KDM6A: variants seen among roughly 807,000 people sequenced by gnomAD.
KDM6A encodes lysine demethylase 6A.
A neutral mutation model predicts 117.6 loss-of-function variants in KDM6A; 11 were observed. The ratio of observed to expected loss-of-function variants is 0.09; its 90% CI spans 0.06 to 0.15. The LOEUF (loss-of-function observed/expected upper bound fraction) is 0.15. Among genes scored for constraint, KDM6A ranks in the 10% least tolerant of loss-of-function variants. The pLI, the probability that KDM6A is intolerant of heterozygous loss-of-function variation, is 1.00. For synonymous variants in KDM6A, 384 were observed against 396.1 expected (o/e 0.97, Z 0.36); for missense variants, 799 against 1,077.3 (o/e 0.74, Z 3.62).
At chrX:45,039,372 G>T (rs2042951105) in intron 8 of KDM6A, among the ~76,000 whole-genome samples, 1 of 110,819 alleles carries the variant, frequency 9.0e-6, no homozygotes, top group Non-Finnish European at 1.9e-5. Context: ...TTATCTGACT[G>T]CTTTGAAATT....
At chrX:44,930,686 C>G (rs920402343) in intron 2 of KDM6A, among the ~76,000 whole-genome samples, 4 of 111,974 alleles carry the variant, frequency 3.6e-5, no homozygotes, top group African/African-American at 1.3e-4. Flanking sequence ...TTAATTAAAG[C>G]TATTTTTAAA....
At chrX:45,047,350 C>T (rs2043584313) in intron 8 of KDM6A, among the ~76,000 whole-genome samples, 1 of 103,501 alleles carries the variant, frequency 9.7e-6, no homozygotes, top group Non-Finnish European at 1.9e-5. Context: ...TATGCTATTG[C>T]CTCAAACATC....
Position 45,107,402 on chromosome X carries a change from C to G in KDM6A, c.4035-8C>G, listed in dbSNP as rs752619445. On this transcript the variant is annotated splice_polypyrimidine_tract_variant and splice_region_variant and intron_variant, in intron 27 of 29. Transcript: ENST00000611820. ...TGCTGGTCACAAATAATTTCTCCCC[C>G]ACAATAGGTATTGTCTTCTAAGAAC... 8.3e-7 allele frequency: 1 copy of G among 1,205,633 alleles called. No homozygotes were observed. The highest frequency in any genetic ancestry group is 1.8e-5 in the South Asian group (1 of 56,844).
At chrX:44,951,309 G>A (rs1602317072) in intron 2 of KDM6A, among the ~76,000 whole-genome samples, 1 of 111,772 alleles carries the variant, frequency 8.9e-6, no homozygotes, top group South Asian at 3.7e-4. Context: ...AGCAACACAA[G>A]GTAAACTAAG....
rs1373997610 is a variant in KDM6A at position 45,111,725 on chromosome X, G to A, written c.*314G>A. ...CTCTTTTATATTTCTCTATTTCTGG[G>A]CTGATGAATTTGTTTTCATCTGTCT... On this transcript the variant is annotated 3_prime_UTR_variant, in exon 30 of 30. Transcript: ENST00000611820. 4.4e-6 allele frequency: 1 copy of A among 229,003 alleles called. No homozygotes were observed. The highest frequency in any genetic ancestry group is 7.8e-6 in the Non-Finnish European group (1 of 127,826). 18.9% of individuals were successfully genotyped at this position (229,003 alleles called of 1,213,427 possible).
intron 2 of KDM6A, among the ~76,000 whole-genome samples, chrX:44,944,510 C>T (rs774442923): frequency 1.8e-5 from 2 of 111,842 alleles, no homozygotes; most frequent in African/African-American, 3.2e-5. Flanking sequence ...ACTTGGGAGA[C>T]TTCTCATCTT....
chrX:44,893,432 C>T lies in KDM6A; in HGVS notation c.225+19445C>T, dbSNP rs1477944280. 4.7e-4 allele frequency among the ~76,000 whole-genome samples: 50 copies of T among 106,641 alleles called. No homozygotes were observed. In the Admixed American group the frequency reaches 4.8e-3, roughly 10 times the overall value. The allele number at this position is 106,641 out of a possible 115,157, so 92.6% of individuals were successfully genotyped here. ...GCATTTTAAATGTAAATTTCCAGGT[C>T]TTTATTGTTAGTATGTAAATTTTTG... On this transcript the variant is annotated intron_variant, in intron 2 of 29. Transcript: ENST00000611820.
intron 8 of KDM6A, among the ~76,000 whole-genome samples, chrX:45,045,737 A>G (rs2043504386): frequency 8.9e-6 from 1 of 111,735 alleles, no homozygotes; most frequent in East Asian, 2.8e-4. Context: ...GTATGGATAC[A>G]CCACATTTTG....
At chrX:44,957,353 G>A (rs893185160) in intron 2 of KDM6A, among the ~76,000 whole-genome samples, 16 of 111,512 alleles carry the variant, frequency 1.4e-4, no homozygotes, top group African/African-American at 5.2e-4. Context: ...TATTGACAGC[G>A]TCCTGTTTTA....
intron 4 of KDM6A, among the ~76,000 whole-genome samples, chrX:45,006,147 T>A (rs1602544241): frequency 1.4e-5 from 1 of 71,939 alleles, no homozygotes; most frequent in Non-Finnish European, 2.7e-5. Flanking sequence ...TACTGGCCAG[T>A]CCCCCCCAGC....
At chrX:45,084,739 C>G (rs1269016429) in intron 24 of KDM6A, among the ~76,000 whole-genome samples, 1 of 111,406 alleles carries the variant, frequency 9.0e-6, no homozygotes, top group Non-Finnish European at 1.9e-5. Flanking sequence ...AATTCTCCTG[C>G]CTCAACCTCC....
At chrX:44,929,995 C>A (rs773245298) in intron 2 of KDM6A, among the ~76,000 whole-genome samples, 2 of 111,328 alleles carry the variant, frequency 1.8e-5, no homozygotes, top group South Asian at 7.5e-4. Flanking sequence ...CAATTTTAGA[C>A]ATTCTAATGT....
intron 6 of KDM6A, among the ~76,000 whole-genome samples, chrX:45,024,852 A>G (rs2042305651): frequency 9.0e-6 from 1 of 111,383 alleles, no homozygotes. Context: ...ATACTGTTGG[A>G]GAAATAAATG....
intron 8 of KDM6A, among the ~76,000 whole-genome samples, chrX:45,047,381 TTTTTAAC>T (rs1038013230): frequency 9.1e-5 from 10 of 109,405 alleles, no homozygotes; most frequent in Non-Finnish European, 1.7e-4. Flanking sequence ...TCTTTTTTTT[TTTTTAAC>T]TTTTAACTTT....
chrX:45,092,592 A>G (rs929206859), intron 27 of KDM6A, among the ~76,000 whole-genome samples: 7 of 111,973 alleles, frequency 6.3e-5, no homozygotes, highest in Non-Finnish European at 9.4e-5. Flanking sequence ...ACACTGTTCT[A>G]GGCACTGATG....
intron 17 of KDM6A, among the ~76,000 whole-genome samples, chrX:45,068,534 A>G (rs1478087589): frequency 9.7e-6 from 1 of 102,748 alleles, no homozygotes; most frequent in Non-Finnish European, 2.0e-5. Flanking sequence ...GTGGAGACTT[A>G]AAATGTCTTT....
intron 3 of KDM6A, among the ~76,000 whole-genome samples, chrX:44,962,006 C>T (rs923501173): frequency 9.0e-6 from 1 of 111,455 alleles, no homozygotes; most frequent in African/African-American, 3.3e-5. Context: ...CCGGAAACCC[C>T]GCCCTTCCAA....
In KDM6A at chrX:44,912,343, C is replaced by T. The variant is rs369192229; in HGVS notation, c.225+38356C>T. On this transcript the variant is annotated intron_variant, in intron 2 of 29. Coordinates refer to ENST00000611820, the MANE Select transcript of KDM6A (RefSeq NM_001291415.2). ...ACCTCAGGTGATCTGCCCACCTCGG[C>T]CTCCCAAAGTGCTGGAACTACAGGC... 2.7e-5 allele frequency among the ~76,000 whole-genome samples: 3 copies of T among 111,159 alleles called. No homozygotes were observed. In the Admixed American group the frequency reaches 2.9e-4, roughly 11 times the overall value.
At chrX:45,053,723 A>T (rs2043953975) in intron 9 of KDM6A, 106 bp from the exon 10 acceptor site, 3 of 633,726 alleles carry the variant, frequency 4.7e-6, no homozygotes, top group African/African-American at 4.5e-5. Flanking sequence ...AAATTAATAA[A>T]TTGACAGAAA....
Sources: gnomAD v4.1 joint callset for allele counts (sites outside exome capture counted in the v4.1 genomes callset) on GRCh38, gnomAD v4.1.1 for gene constraint, MANE v1.5 for transcripts, NCBI Gene and HGNC (gene_info 2026-07-23, HGNC 2026-07-21) for gene names.